Variants in ACSL1 observed in about 807,000 individuals in gnomAD.
The protein encoded by ACSL1 is acyl-CoA synthetase long chain family member 1.
In ACSL1, 41 loss-of-function variants were observed where a neutral mutation model predicts 98.4. The observed-to-expected ratio is 0.42, with a 90% CI of 0.32 to 0.54. The LOEUF (loss-of-function observed/expected upper bound fraction) is 0.54. Ranked by LOEUF, ACSL1 falls within the 20% of genes least tolerant of loss-of-function variation. The pLI, the probability that ACSL1 is intolerant of heterozygous loss-of-function variation, is 0.13. For synonymous variants in ACSL1, 316 were observed against 322.7 expected (o/e 0.98, Z 0.22); for missense variants, 734 against 883.1 (o/e 0.83, Z 2.14).
chr4:184,804,005 T>G (rs1408596892), intron 1 of ACSL1, among the ~76,000 whole-genome samples: 1 of 152,224 alleles, frequency 6.6e-6, no homozygotes, highest in Non-Finnish European at 1.5e-5. Context: ...CATCAGTTTC[T>G]ATTTCTTCCA....
Position 184,776,825 on chromosome 4 carries a change from A to C in ACSL1, c.577+59T>G. 2.6e-6 allele frequency: 4 copies of C among 1,565,734 alleles called. No homozygotes were observed. The South Asian group carries it at 4.6e-5, about 18-fold the overall frequency. ...GTCAAATCAAATGTAAGCAAATGTA[A>C]AGTCACTGAACCTAACCAATAACTA... On this transcript the variant is annotated intron_variant, in intron 6 of 20. Transcript: ENST00000281455.
chr4:184,757,177 C>A lies in ACSL1; in HGVS notation c.2045G>T (p.Arg682Leu). 1 of 1,609,472 alleles carries A rather than the reference C, an allele frequency of 6.2e-7. No individual in the cohort carries two copies. The highest frequency in any genetic ancestry group is 1.1e-5 in the South Asian group (1 of 90,924). ...PTMKAKRPEL[R>L]NYFRSQIDDL... is the part of the protein sequence containing the mutation. Reference sequence around the variant, plus strand: ...ATCTATCTGCGACCTGAAATAGTTCCGCAGCTCTGGCCTTTTCGCCTTCAT... The same window carrying A: ...ATCTATCTGCGACCTGAAATAGTTCAGCAGCTCTGGCCTTTTCGCCTTCAT... The change falls in exon 21 of 21, where the codon CGG becomes CTG. Residue 682 changes from arginine to leucine, a missense_variant. Transcript: ENST00000281455. This position sits in a 1 kb window ranked among gnomAD's most constrained non-coding sequence, Gnocchi z 4.5.
At position 184,803,935 on chromosome 4, in the gene ACSL1, T is replaced by C. The variant is rs1184243035; in HGVS notation, c.-32-389A>G. Reference sequence around the variant, plus strand: ...CCTAATCAAAAACACTCGACTCTCATTGTCAAGGCTAATGGGAATATGAGT... The same window carrying C: ...CCTAATCAAAAACACTCGACTCTCACTGTCAAGGCTAATGGGAATATGAGT... On this transcript the variant is annotated intron_variant, in intron 1 of 20. Coordinates refer to ENST00000281455, the MANE Select transcript of ACSL1 (RefSeq NM_001995.5). This position sits in a 1 kb window ranked among gnomAD's most constrained non-coding sequence, Gnocchi z 4.8. Among the ~76,000 whole-genome samples, 3 of 152,186 alleles carry C rather than the reference T, an allele frequency of 2.0e-5. No homozygotes were observed. Among genetic ancestry groups the C allele is most frequent in the Non-Finnish European group, 2.9e-5 (2 of 68,032 alleles).
intron 1 of ACSL1, among the ~76,000 whole-genome samples, chr4:184,823,289 T>A (rs879899109): frequency 9.4e-4 from 143 of 152,358 alleles, no homozygotes; most frequent in Non-Finnish European, 1.8e-3. Context: ...TTTTCTATTT[T>A]GTAGTACAGG....
At chr4:184,783,659 G>C (rs1205752965) in intron 4 of ACSL1, among the ~76,000 whole-genome samples, 2 of 152,184 alleles carry the variant, frequency 1.3e-5, no homozygotes, top group Non-Finnish European at 2.9e-5. Context: ...AGAGTTTCTA[G>C]AATTTTATCT....
In ACSL1 at chr4:184,773,531, A is replaced by G; in HGVS notation, c.841+132T>C. ...AGATCTTACAGAGCAACAAGAAGAC[A>G]GCACTTGAACCGCTTCCTTCTCTTC... On this transcript the variant is annotated intron_variant, in intron 9 of 20. Coordinates refer to ENST00000281455, the MANE Select transcript of ACSL1 (RefSeq NM_001995.5). The surrounding 1 kb of genome is among the most constrained non-coding windows in gnomAD (Gnocchi z 4.3). The G allele has an allele frequency of 2.5e-6, 2 of 801,656 alleles. No individual in the cohort carries two copies. Among genetic ancestry groups the G allele is most frequent in the Non-Finnish European group, 2.0e-6 (1 of 502,624 alleles). 49.7% of individuals were successfully genotyped at this position (801,656 alleles called of 1,614,324 possible). A position where few individuals can be genotyped will look rare whatever the true frequency, so the allele number is the denominator to read the frequency against.
rs766034538 is a variant in ACSL1 at position 184,766,728 on chromosome 4, T to C, written c.1157A>G (p.Lys386Arg). Residue 386 changes from lysine (K) to arginine (R), a missense_variant, in exon 13 of 21, where the codon AAG becomes AGG. Lys to Arg is a conservative substitution (Grantham distance 26). Coordinates refer to ENST00000281455, the MANE Select transcript of ACSL1 (RefSeq NM_001995.5). The surrounding 1 kb of genome is among the most constrained non-coding windows in gnomAD (Gnocchi z 4.8). ...RIFGQANTTLKRWLLDFASKR... is the reference protein window; with the variant it reads ...RIFGQANTTLRRWLLDFASKR... ...GGAGGCAAAGTCCAAGAGCCATCGC[T>C]TCAGCGTGGTGTTTGCTTGTCCGAA... The C allele has an allele frequency of 1.9e-5, 30 of 1,613,594 alleles. No homozygotes were observed. In the African/African-American group the frequency reaches 3.2e-4, roughly 17 times the overall value.
intron 1 of ACSL1, among the ~76,000 whole-genome samples, chr4:184,811,039 G>A (rs1033889491): frequency 8.5e-5 from 13 of 152,210 alleles, no homozygotes; most frequent in Non-Finnish European, 8.8e-5. Context: ...CCAGTCGTGC[G>A]TGGGTGTTCA....
At position 184,817,059 on chromosome 4, in the gene ACSL1, C is replaced by T. The variant is rs181714502; in HGVS notation, c.-33+8857G>A. Among the ~76,000 whole-genome samples the T allele has an allele frequency of 1.4e-3, 209 of 152,286 alleles. 1 individual carries two copies. The highest frequency in any genetic ancestry group is 2.4e-3 in the Non-Finnish European group (163 of 68,010). ...AAATAAAACCCTGATCCCAATGAGG[C>T]TTCCACACTGCTAAGTTTTGGGACC... is the stretch of plus-strand genomic sequence containing the variant. On this transcript the variant is annotated intron_variant, in intron 1 of 20. Coordinates refer to ENST00000281455, the MANE Select transcript of ACSL1 (RefSeq NM_001995.5).
rs974659419 is a variant in ACSL1, at chr4:184,779,903, G to A, written c.477+429C>T. Among the ~76,000 whole-genome samples, 8 of 144,076 alleles carry A rather than the reference G, an allele frequency of 5.6e-5. 1 individual carries two copies. In the East Asian group the frequency reaches 6.1e-4, roughly 11 times the overall value. 94.5% of individuals were successfully genotyped at this position (144,076 alleles called of 152,430 possible). ...TTTTTTTTTTTTGAGACGGAGTTTCGCTCTTGTTGCCCAGGCTGGAGTGCA... is the reference window on the plus strand; with the variant it reads ...TTTTTTTTTTTTGAGACGGAGTTTCACTCTTGTTGCCCAGGCTGGAGTGCA... On this transcript the variant is annotated intron_variant, in intron 5 of 20. Coordinates refer to ENST00000281455, the MANE Select transcript of ACSL1 (RefSeq NM_001995.5).
At chr4:184,780,478 TCCAGAAACAAAGCTGA>T (rs1579884013) in intron 4 of ACSL1, 45 bp from the exon 5 acceptor site, 2 of 1,473,264 alleles carry the variant, frequency 1.4e-6, no homozygotes, top group East Asian at 4.5e-5. Flanking sequence ...GGGCCCCAAC[TCCAGAAACAAAGCTGA>T]CCAGACGGCA....
Position 184,773,003 on chromosome 4 carries a change from G to T in ACSL1, c.915+78C>A. The T allele has an allele frequency of 7.2e-7, 1 of 1,397,236 alleles. No individual in the cohort carries two copies. Among genetic ancestry groups the T allele is most frequent in the Middle Eastern group, 1.8e-4 (1 of 5,640 alleles). The allele number at this position is 1,397,236 out of a possible 1,614,324, so 86.6% of individuals were successfully genotyped here. On this transcript the variant is annotated intron_variant, in intron 10 of 20. Coordinates refer to ENST00000281455, the MANE Select transcript of ACSL1 (RefSeq NM_001995.5). This position sits in a 1 kb window ranked among gnomAD's most constrained non-coding sequence, Gnocchi z 4.3. ...AATGCCACATGGACCTAACACACTG[G>T]TGCCCACCTTCAGCACTTTCATTCT...
At chr4:184,814,950 C>G in intron 1 of ACSL1, 1 of 451,078 alleles carries the variant, frequency 2.2e-6, no homozygotes, top group South Asian at 1.6e-5. Flanking sequence ...GGATAACCAA[C>G]TCTCCTTAGT....
intron 1 of ACSL1, among the ~76,000 whole-genome samples, chr4:184,819,227 C>G (rs1772869974): frequency 1.3e-5 from 2 of 151,090 alleles, no homozygotes; most frequent in Admixed American, 1.3e-4. Context: ...ACTGCAACCT[C>G]TGCCTCCCAG....
In ACSL1 at chr4:184,766,019, G is replaced by A; in HGVS notation, c.1264-33C>T. 1 of 1,603,734 alleles carries A rather than the reference G, an allele frequency of 6.2e-7. No individual in the cohort carries two copies. Among genetic ancestry groups the A allele is most frequent in the Non-Finnish European group, 8.5e-7 (1 of 1,171,850 alleles). On this transcript the variant is annotated intron_variant, in intron 13 of 20. Transcript: ENST00000281455. The surrounding 1 kb of genome is among the most constrained non-coding windows in gnomAD (Gnocchi z 4.8). Reference sequence around the variant, plus strand: ...GGAGGGAGAGTGGGAGAAGGTGAGGGTTACACACCTGGAAGTCGGCGGCCT... The same window carrying A: ...GGAGGGAGAGTGGGAGAAGGTGAGGATTACACACCTGGAAGTCGGCGGCCT...
chr4:184,763,561 C>T (rs766237471), intron 15 of ACSL1, among the ~76,000 whole-genome samples: 12 of 152,198 alleles, frequency 7.9e-5, no homozygotes, highest in African/African-American at 1.2e-4. Flanking sequence ...AACCTTCACT[C>T]GGCTTCCACC....
rs61610832 is a variant in ACSL1, at chr4:184,765,975, G to A, written c.1275C>T (p.Gly425=). The stretch of plus-strand genomic sequence containing the variant: ...CTGTCACCATCAGCCGGACTCTTCC[G>A]CCCAGGCTCGACTTTCAGGGAGGGA... ...LIFHKVQSSL[G]GRVRLMVTGA... Residue 425 remains glycine, a synonymous_variant, in exon 14 of 21, where the codon GGC becomes GGT. Transcript: ENST00000281455. The A allele has an allele frequency of 8.3e-3, 13,424 of 1,613,638 alleles. 1,197 individuals are homozygous for A. In the Admixed American group the frequency reaches 0.18, roughly 22 times the overall value.
intron 5 of ACSL1, among the ~76,000 whole-genome samples, chr4:184,779,975 C>T (rs1220634096): frequency 2.6e-5 from 4 of 151,644 alleles, no homozygotes; most frequent in Admixed American, 1.3e-4. Flanking sequence ...CGGATTCAAG[C>T]GATTCTCCTG....
In ACSL1 at chr4:184,773,409, G is replaced by A. The variant is rs1764798425; in HGVS notation, c.841+254C>T. On this transcript the variant is annotated intron_variant, in intron 9 of 20. Coordinates refer to ENST00000281455, the MANE Select transcript of ACSL1 (RefSeq NM_001995.5). This position sits in a 1 kb window ranked among gnomAD's most constrained non-coding sequence, Gnocchi z 4.3. ...AGAAAAACCAGAAATTTTCTTCCTG[G>A]GAGCCACCGATATAGTCTGTCCTAG... Among the ~76,000 whole-genome samples, 1 of 152,100 alleles carries A rather than the reference G, an allele frequency of 6.6e-6. No individual in the cohort carries two copies. The highest frequency in any genetic ancestry group is 6.5e-5 in the Admixed American group (1 of 15,268).
Sources: gnomAD v4.1 joint callset for allele counts (sites outside exome capture counted in the v4.1 genomes callset) on GRCh38, gnomAD v4.1.1 for gene constraint, Gnocchi (gnomAD v3.1) non-coding constraint, MANE v1.5 for transcripts, NCBI Gene and HGNC (gene_info 2026-07-23, HGNC 2026-07-21) for gene names.